TAFA2: variants seen among roughly 807,000 people sequenced by gnomAD.
TAFA2 encodes chemokine-like protein TAFA-2.
Under a neutral mutation model 18.8 loss-of-function variants are expected in TAFA2, and 7 were observed. The ratio of observed to expected loss-of-function variants is 0.37; its 90% CI spans 0.21 to 0.70. TAFA2 has a LOEUF of 0.70. TAFA2 is among the 30% of genes least tolerant of loss of function. The pLI, the probability that TAFA2 is intolerant of heterozygous loss-of-function variation, is 0.53. For synonymous variants in TAFA2, 60 were observed against 54.2 expected (o/e 1.11, Z -0.47); for missense variants, 122 against 158.1 (o/e 0.77, Z 1.23).
chr12:62,246,454 CATT>C (rs1428036089), intron 1 of TAFA2, among the ~76,000 whole-genome samples: 1 of 152,138 alleles, frequency 6.6e-6, no homozygotes, highest in African/African-American at 2.4e-5. Context: ...AATATTTCAT[CATT>C]ATTTGAAATA....
intron 1 of TAFA2, among the ~76,000 whole-genome samples, chr12:62,109,873 T>C (rs999687294): frequency 6.6e-6 from 1 of 152,208 alleles, no homozygotes. Flanking sequence ...TTAAGGAGAT[T>C]TGGGGCTGAG....
At chr12:62,074,447 T>G (rs1387224146) in intron 1 of TAFA2, among the ~76,000 whole-genome samples, 1 of 152,204 alleles carries the variant, frequency 6.6e-6, no homozygotes, top group African/African-American at 2.4e-5. Context: ...ATGAGCTAAT[T>G]AATAATTTAT....
At chr12:61,913,221 AAAG>A (rs1462708624) in intron 1 of TAFA2, among the ~76,000 whole-genome samples, 2 of 152,188 alleles carry the variant, frequency 1.3e-5, no homozygotes, top group Non-Finnish European at 2.9e-5. Context: ...TGTTAAGAAA[AAAG>A]AATACAGAGG....
At chr12:61,715,856 A>G (rs2120562989) in intron 4 of TAFA2, among the ~76,000 whole-genome samples, 1 of 152,108 alleles carries the variant, frequency 6.6e-6, no homozygotes, top group Non-Finnish European at 1.5e-5. Flanking sequence ...GGTCATGTCT[A>G]TAGTGAGCTA....
chr12:61,925,979 G>C (rs563080781), intron 1 of TAFA2, among the ~76,000 whole-genome samples: 1 of 152,038 alleles, frequency 6.6e-6, no homozygotes, highest in Non-Finnish European at 1.5e-5. Context: ...AGAAAAAAGA[G>C]AAGAATCAAA....
chr12:61,858,159 T>C (rs1045990884), intron 2 of TAFA2, among the ~76,000 whole-genome samples: 5 of 152,210 alleles, frequency 3.3e-5, no homozygotes, highest in Non-Finnish European at 7.3e-5. Flanking sequence ...TCACGAGCCC[T>C]GTGAAACATT....
At chr12:62,211,718 T>C (rs2062715081) in intron 1 of TAFA2, among the ~76,000 whole-genome samples, 1 of 152,166 alleles carries the variant, frequency 6.6e-6, no homozygotes, top group Admixed American at 6.5e-5. Flanking sequence ...TATTGTGAAA[T>C]CCTATCTTTT....
intron 4 of TAFA2, among the ~76,000 whole-genome samples, chr12:61,740,082 T>G (rs2120694986): frequency 6.6e-6 from 1 of 152,236 alleles, no homozygotes; most frequent in Admixed American, 6.5e-5. Context: ...TGCCTGATAT[T>G]ACCCAGTTTC....
intron 1 of TAFA2, among the ~76,000 whole-genome samples, chr12:62,186,075 T>C (rs2062583760): frequency 6.6e-6 from 1 of 152,208 alleles, no homozygotes; most frequent in African/African-American, 2.4e-5. Context: ...TCTGTTCTAG[T>C]GCCCACTATA....
At chr12:61,795,371 A>G (rs540327351) in intron 2 of TAFA2, among the ~76,000 whole-genome samples, 6,885 of 152,186 alleles carry the variant, frequency 0.045, 483 homozygotes, top group African/African-American at 0.16. Context: ...AAAATGTGGC[A>G]TATATACACC....
chr12:61,716,294 C>G (rs1869655664), intron 4 of TAFA2, among the ~76,000 whole-genome samples: 1 of 152,092 alleles, frequency 6.6e-6, no homozygotes, highest in Non-Finnish European at 1.5e-5. Flanking sequence ...TCTAATAAAC[C>G]AGCTACCATC....
chr12:62,071,026 T>G (rs1382731271), intron 1 of TAFA2, among the ~76,000 whole-genome samples: 2 of 152,186 alleles, frequency 1.3e-5, no homozygotes, highest in East Asian at 3.8e-4. Flanking sequence ...GCTACTTAAG[T>G]AAAAAGCAAA....
At chr12:61,769,578 C>G (rs1210452132) in intron 2 of TAFA2, among the ~76,000 whole-genome samples, 1 of 152,006 alleles carries the variant, frequency 6.6e-6, no homozygotes, top group Non-Finnish European at 1.5e-5. Context: ...TTTGAAGACA[C>G]CCCCCAGTAC....
chr12:61,862,808 G>A (rs1197763990), intron 2 of TAFA2, among the ~76,000 whole-genome samples: 1 of 152,022 alleles, frequency 6.6e-6, no homozygotes, highest in African/African-American at 2.4e-5. Context: ...CTTACCCAAA[G>A]GGCTATTTAA....
intron 2 of TAFA2, among the ~76,000 whole-genome samples, chr12:61,768,410 C>T (rs540426939): frequency 1.6e-4 from 24 of 152,192 alleles, no homozygotes; most frequent in African/African-American, 5.3e-4. Context: ...CAAGAACTAC[C>T]GCAGGGACAT....
At chr12:62,093,982 A>G (rs1868834469) in intron 1 of TAFA2, among the ~76,000 whole-genome samples, 1 of 152,032 alleles carries the variant, frequency 6.6e-6, no homozygotes, top group Non-Finnish European at 1.5e-5. Context: ...AACTGAAGCA[A>G]GGTTAAAATG....
intron 2 of TAFA2, among the ~76,000 whole-genome samples, chr12:61,764,168 C>A (rs1869683467): frequency 6.6e-6 from 1 of 151,670 alleles, no homozygotes; most frequent in South Asian, 2.1e-4. Context: ...CAAATGATGA[C>A]CCTAAGTCCA....
intron 1 of TAFA2, among the ~76,000 whole-genome samples, chr12:62,096,002 T>A (rs993806994): frequency 1.3e-5 from 2 of 152,104 alleles, no homozygotes; most frequent in Non-Finnish European, 2.9e-5. Context: ...AAGACTGATA[T>A]TAGCAAAACA....
At chr12:62,010,764 C>T (rs1297049028) in intron 1 of TAFA2, among the ~76,000 whole-genome samples, 7 of 148,836 alleles carry the variant, frequency 4.7e-5, no homozygotes, top group African/African-American at 7.5e-5. Context: ...CCGGCCCCCC[C>T]GTCTGGGAGG....
Sources: allele counts gnomAD v4.1 joint callset (sites outside exome capture counted in the v4.1 genomes callset), GRCh38; gene constraint gnomAD v4.1.1; transcripts MANE v1.5; gene names NCBI Gene and HGNC (gene_info 2026-07-23, HGNC 2026-07-21).